NPAS3: variants seen among roughly 807,000 people sequenced by gnomAD.
The protein encoded by NPAS3 is neuronal PAS domain-containing protein 3.
In NPAS3, 14 loss-of-function variants were observed where a neutral mutation model predicts 73.1. The observed-to-expected ratio is 0.19, with a 90% CI of 0.13 to 0.30. The LOEUF is 0.30. Among genes scored for constraint, NPAS3 ranks in the 10% least tolerant of loss-of-function variants. NPAS3 has a pLI of 1.00. For synonymous variants in NPAS3, 620 were observed against 541.5 expected (o/e 1.14, Z -2.01); for missense variants, 1,096 against 1,250.0 (o/e 0.88, Z 1.86).
chr14:33,597,237 C>T (rs17101594), intron 5 of NPAS3, among the ~76,000 whole-genome samples: 4,797 of 152,278 alleles, frequency 0.032, 204 homozygotes, highest in East Asian at 0.19. Context: ...GCTACTTTCA[C>T]AGCCGTGAGC....
At chr14:33,621,881 C>T (rs1468995128) in intron 5 of NPAS3, among the ~76,000 whole-genome samples, 1 of 152,062 alleles carries the variant, frequency 6.6e-6, no homozygotes, top group Non-Finnish European at 1.5e-5. Context: ...CAGAAAAAGA[C>T]ACAGTACAAA....
At chr14:33,141,327 A>C (rs1382225258) in intron 2 of NPAS3, among the ~76,000 whole-genome samples, 1 of 152,192 alleles carries the variant, frequency 6.6e-6, no homozygotes, top group Non-Finnish European at 1.5e-5. Flanking sequence ...TGAGCTATTG[A>C]AAACATTTCA....
intron 4 of NPAS3, among the ~76,000 whole-genome samples, chr14:33,383,828 CTT>C (rs2046659864): frequency 6.6e-6 from 1 of 152,100 alleles, no homozygotes; most frequent in African/African-American, 2.4e-5. Flanking sequence ...TAGTTTTCAT[CTT>C]TGTGTTTTCC....
Position 33,800,223 on chromosome 14 carries a change from C to A in NPAS3, c.1916C>A (p.Ser639Tyr), listed in dbSNP as rs1281049056. The A allele has an allele frequency of 1.2e-6, 2 of 1,612,810 alleles. No homozygotes were observed. The change falls in exon 12 of 12, where the codon TCC (serine) becomes TAC (tyrosine). Residue 639 changes from serine (S) to tyrosine (Y), a missense_variant. Ser to Tyr is a moderately radical substitution (Grantham distance 144). Coordinates refer to ENST00000356141, the Ensembl canonical transcript of NPAS3. The surrounding 1 kb of genome is among the most constrained non-coding windows in gnomAD (Gnocchi z 6.5). ...GTGGAGCCCCCGCGGCTGCTGTCCTCCCCCAACAGTGCCTCGGTGCTCAAG... is the reference window on the plus strand; with the variant it reads ...GTGGAGCCCCCGCGGCTGCTGTCCTACCCCAACAGTGCCTCGGTGCTCAAG...
chr14:33,508,872 C>T (rs531781097), intron 4 of NPAS3, among the ~76,000 whole-genome samples: 2 of 151,584 alleles, frequency 1.3e-5, no homozygotes, highest in African/African-American at 4.9e-5. Context: ...TGACATCACT[C>T]TCACCCCTGA....
At chr14:33,041,393 G>T (rs934921245) in intron 1 of NPAS3, among the ~76,000 whole-genome samples, 3 of 152,144 alleles carry the variant, frequency 2.0e-5, no homozygotes, top group African/African-American at 7.2e-5. Flanking sequence ...CTAAGACCAA[G>T]AAATTTTGCG....
chr14:33,027,265 G>A (rs2039839000), intron 1 of NPAS3, among the ~76,000 whole-genome samples: 1 of 152,160 alleles, frequency 6.6e-6, no homozygotes, highest in African/African-American at 2.4e-5. Flanking sequence ...TACATAGATG[G>A]AAAATAAGTT....
intron 3 of NPAS3, among the ~76,000 whole-genome samples, chr14:33,362,570 T>C (rs1029135745): frequency 6.6e-6 from 1 of 152,122 alleles, no homozygotes; most frequent in Non-Finnish European, 1.5e-5. Context: ...AGGAAGTCAA[T>C]GTCCAGGGAT....
At chr14:33,186,826 ATGGTTTT>A (rs2045994238) in intron 2 of NPAS3, among the ~76,000 whole-genome samples, 1 of 152,036 alleles carries the variant, frequency 6.6e-6, no homozygotes, top group Non-Finnish European at 1.5e-5. Flanking sequence ...CCAGCTAGGG[ATGGTTTT>A]GTCCCTAGGG....
intron 1 of NPAS3, among the ~76,000 whole-genome samples, chr14:32,943,519 G>C (rs989398309): frequency 1.3e-5 from 2 of 152,088 alleles, no homozygotes; most frequent in Non-Finnish European, 2.9e-5. Flanking sequence ...TCAGTGCTAT[G>C]TTACAATTGT....
At chr14:33,287,122 C>T (rs1030558505) in intron 3 of NPAS3, among the ~76,000 whole-genome samples, 23 of 151,946 alleles carry the variant, frequency 1.5e-4, no homozygotes, top group African/African-American at 4.6e-4. Context: ...AAACTTTTCC[C>T]GTTTGGAGTT....
At chr14:33,477,356 T>C (rs570197045) in intron 4 of NPAS3, among the ~76,000 whole-genome samples, 3 of 152,298 alleles carry the variant, frequency 2.0e-5, no homozygotes, top group African/African-American at 7.2e-5. Context: ...GAGGATATGA[T>C]ACAGGGATCT....
chr14:33,748,805 C>T (rs1204005285), intron 7 of NPAS3, among the ~76,000 whole-genome samples: 2 of 152,144 alleles, frequency 1.3e-5, no homozygotes, highest in Non-Finnish European at 2.9e-5. Flanking sequence ...GCTTTAGCCC[C>T]TTTGAGACAT....
At chr14:33,168,735 T>G (rs1475239542) in intron 2 of NPAS3, among the ~76,000 whole-genome samples, 2 of 152,142 alleles carry the variant, frequency 1.3e-5, no homozygotes, top group African/African-American at 4.8e-5. Context: ...TTCACACCTA[T>G]GTCCTCTTCC....
chr14:33,488,318 G>C (rs80067037), intron 4 of NPAS3, among the ~76,000 whole-genome samples: 11,807 of 151,964 alleles, frequency 0.078, 713 homozygotes, highest in African/African-American at 0.16. Context: ...TTTGGAGAAA[G>C]AGATGGGCCA....
chr14:33,204,362 G>A (rs1246014752), intron 2 of NPAS3, among the ~76,000 whole-genome samples: 1 of 152,144 alleles, frequency 6.6e-6, no homozygotes, highest in Non-Finnish European at 1.5e-5. Context: ...GAGATGGGAA[G>A]TACAGTAGTG....
chr14:33,744,605 T>C (rs2061740413), intron 7 of NPAS3, among the ~76,000 whole-genome samples: 2 of 151,660 alleles, frequency 1.3e-5, no homozygotes. Context: ...CTGAGCAACA[T>C]GGCGAAACCT....
Position 33,646,176 on chromosome 14 carries a change from C to G in NPAS3, c.559-30035C>G, listed in dbSNP as rs893305945. ...GGCAAAATTGGGACTGGAAGGCCAT[C>G]CTGATTTTCCATTTATTAAAAAGGA... On this transcript the variant is annotated intron_variant, in intron 5 of 11. Transcript: ENST00000356141. Among the ~76,000 whole-genome samples, 6 of 152,078 alleles carry G rather than the reference C, an allele frequency of 3.9e-5. No individual in the cohort carries two copies. The East Asian group carries it at 7.8e-4, about 20-fold the overall frequency.
intron 1 of NPAS3, among the ~76,000 whole-genome samples, chr14:33,055,670 A>C (rs907904992): frequency 3.3e-5 from 5 of 152,206 alleles, no homozygotes; most frequent in Admixed American, 6.5e-5. Flanking sequence ...GATTTAAAAA[A>C]AAAAACAAAA....
Sources: allele counts gnomAD v4.1 joint callset (sites outside exome capture counted in the v4.1 genomes callset), GRCh38; gene constraint gnomAD v4.1.1; non-coding constraint Gnocchi (gnomAD v3.1); transcripts MANE v1.5; gene names NCBI Gene and HGNC (gene_info 2026-07-23, HGNC 2026-07-21).